Variants in NAA11 observed in about 807,000 individuals in gnomAD.
NAA11 encodes N-alpha-acetyltransferase 11.
In NAA11, 15 loss-of-function variants were observed where a neutral mutation model predicts 16.1. The ratio of observed to expected loss-of-function variants is 0.93; its 90% CI spans 0.62 to 1.44. The LOEUF (loss-of-function observed/expected upper bound fraction) is 1.44, where lower values mean the gene tolerates loss of function less well. NAA11 is among the 40% of genes most tolerant of loss of function. The probability of loss-of-function intolerance (pLI) is 0.00; values close to 1 mark genes in which losing one functional copy is unlikely to be tolerated. For synonymous variants in NAA11, 122 were observed against 112.4 expected (o/e 1.09, Z -0.54); for missense variants, 298 against 291.3 (o/e 1.02, Z -0.17).
At chr4:79,180,015 A>G in the NAA11 span, among the ~76,000 whole-genome samples, 3,081 of 152,248 alleles carry the variant, frequency 0.02, 46 homozygotes, top group Non-Finnish European at 0.034. Flanking sequence ...CACTATCACG[A>G]AAACAGCATG....
intron 2 of NAA11, among the ~76,000 whole-genome samples, chr4:79,262,493 C>G (rs1722263558): frequency 6.6e-6 from 1 of 152,120 alleles, no homozygotes; most frequent in Admixed American, 6.5e-5. Context: ...TAACTAAGTA[C>G]TTGTTAATAA....
At chr4:79,259,243 CCTGGGAGCT>C in intron 2 of NAA11, among the ~76,000 whole-genome samples, 1 of 152,266 alleles carries the variant, frequency 6.6e-6, no homozygotes, top group East Asian at 1.9e-4. Flanking sequence ...GTGAGCTAGA[CCTGGGAGCT>C]CCCTGAGCCA....
chr4:79,156,566 T>C, the NAA11 span, among the ~76,000 whole-genome samples: 1 of 152,152 alleles, frequency 6.6e-6, no homozygotes, highest in Non-Finnish European at 1.5e-5. Flanking sequence ...CTTCAGTAGA[T>C]TGGATGCAGC....
At chr4:79,221,243 G>C (rs1326895387), downstream of NAA11, among the ~76,000 whole-genome samples, 1 of 151,992 alleles carries the variant, frequency 6.6e-6, no homozygotes, top group East Asian at 1.9e-4. Flanking sequence ...AGACTTTGCT[G>C]AAGTTGCTTA....
the NAA11 span, among the ~76,000 whole-genome samples, chr4:79,218,723 T>C: frequency 1.3e-5 from 2 of 152,130 alleles, no homozygotes; most frequent in Non-Finnish European, 2.9e-5. Flanking sequence ...TTCTGTTACC[T>C]TTACAATTGA....
At chr4:79,261,383 A>C (rs1722241230) in intron 2 of NAA11, among the ~76,000 whole-genome samples, 1 of 152,196 alleles carries the variant, frequency 6.6e-6, no homozygotes, top group South Asian at 2.1e-4. Context: ...GAATTTTCAG[A>C]GAGTTGTATG....
intron 2 of NAA11, among the ~76,000 whole-genome samples, chr4:79,242,652 T>C (rs1413280482): frequency 6.6e-6 from 1 of 152,240 alleles, no homozygotes; most frequent in Non-Finnish European, 1.5e-5. Context: ...GTGTTTTCTG[T>C]CTCATTCCAT....
At chr4:79,318,424 T>G (rs1190239279) in intron 1 of NAA11, among the ~76,000 whole-genome samples, 1 of 152,168 alleles carries the variant, frequency 6.6e-6, no homozygotes, top group Admixed American at 6.5e-5. Context: ...TTAAAAAAAT[T>G]TATTATATGG....
the NAA11 span, among the ~76,000 whole-genome samples, chr4:79,209,575 T>C: frequency 3.3e-5 from 5 of 152,208 alleles, no homozygotes; most frequent in Non-Finnish European, 7.3e-5. Context: ...TCTGAGTAAG[T>C]AAGCCACTAT....
intron 2 of NAA11, among the ~76,000 whole-genome samples, chr4:79,293,000 CAAAA>C (rs1723121549): frequency 6.6e-6 from 1 of 150,832 alleles, no homozygotes; most frequent in African/African-American, 2.4e-5. Context: ...TTTAAATAGA[CAAAA>C]GAAATTATAT....
At chr4:79,276,814 T>C (rs753766734) in intron 2 of NAA11, among the ~76,000 whole-genome samples, 1 of 152,136 alleles carries the variant, frequency 6.6e-6, no homozygotes, top group Non-Finnish European at 1.5e-5. Context: ...TGGAGTCCCA[T>C]GGGGAATACC....
At chr4:79,257,000 A>G (rs989441548) in intron 2 of NAA11, among the ~76,000 whole-genome samples, 3 of 152,104 alleles carry the variant, frequency 2.0e-5, no homozygotes, top group African/African-American at 7.2e-5. Context: ...TAATTCTAGT[A>G]TATTATATAC....
chr4:79,321,477 A>G (rs948292594), intron 1 of NAA11, among the ~76,000 whole-genome samples: 16 of 152,254 alleles, frequency 1.1e-4, no homozygotes, highest in Non-Finnish European at 1.2e-4. Context: ...TTATGATCCT[A>G]GAAAATGACA....
At chr4:79,286,493 T>G (rs972939591) in intron 2 of NAA11, among the ~76,000 whole-genome samples, 4 of 152,116 alleles carry the variant, frequency 2.6e-5, no homozygotes, top group African/African-American at 7.2e-5. Flanking sequence ...TGTCTCCTAC[T>G]TCTTTAGTCA....
At chr4:79,248,092 C>T (rs1721884974) in intron 2 of NAA11, among the ~76,000 whole-genome samples, 1 of 152,186 alleles carries the variant, frequency 6.6e-6, no homozygotes, top group Non-Finnish European at 1.5e-5. Context: ...CTGAGCACTT[C>T]CCTGTCTACT....
chr4:79,194,075 A>C, the NAA11 span, among the ~76,000 whole-genome samples: 6 of 152,112 alleles, frequency 3.9e-5, no homozygotes, highest in Non-Finnish European at 8.8e-5. Flanking sequence ...TTGATTTTGT[A>C]TCCTGAGACT....
chr4:79,223,709 A>C (rs1448233938), downstream of NAA11, among the ~76,000 whole-genome samples: 3 of 151,166 alleles, frequency 2.0e-5, no homozygotes, highest in East Asian at 3.9e-4. Flanking sequence ...TATCCCGCCT[A>C]GGAGGTATAG....
At chr4:79,285,921 T>C (rs2109989271) in intron 2 of NAA11, among the ~76,000 whole-genome samples, 1 of 152,160 alleles carries the variant, frequency 6.6e-6, no homozygotes, top group Non-Finnish European at 1.5e-5. Flanking sequence ...CTCCCAACAG[T>C]GTATTATATA....
At chr4:79,167,268 TATAGAGAGAGAG>T in the NAA11 span, among the ~76,000 whole-genome samples, 391 of 115,878 alleles carry the variant, frequency 3.4e-3, 2 homozygotes, top group African/African-American at 0.012. Context: ...TATATATATA[TATAGAGAGAGAG>T]AGAGAGAGAG....
Sources: allele counts gnomAD v4.1 joint callset (sites outside exome capture counted in the v4.1 genomes callset), GRCh38; gene constraint gnomAD v4.1.1; transcripts MANE v1.5; gene names NCBI Gene and HGNC (gene_info 2026-07-23, HGNC 2026-07-21).